Variants in C1orf216 observed in about 807,000 individuals in gnomAD.
The protein encoded by C1orf216 is chromosome 1 open reading frame 216.
A neutral mutation model predicts 16.4 loss-of-function variants in C1orf216; 18 were observed. The observed-to-expected ratio is 1.10, with a 90% CI of 0.76 to 1.63. C1orf216 has a LOEUF of 1.63. Ranked by LOEUF, C1orf216 falls within the 40% of genes most tolerant of loss-of-function variation. The pLI, the probability that C1orf216 is intolerant of heterozygous loss-of-function variation, is 0.00. For synonymous variants in C1orf216, 115 were observed against 116.9 expected (o/e 0.98, Z 0.11); for missense variants, 271 against 297.6 (o/e 0.91, Z 0.66).
rs1233519550 is a variant in C1orf216, at chr1:35,716,276, C to T, written c.46G>A (p.Gly16Arg). ...TGACATAATCCAGGAGGTGGGTCCC[C>T]CAGGAATTGGCCCCCCTCAGCTAGC... ...PGLAEGGQFL[G>R]DPPPGLCQPE... Residue 16 changes from glycine (G) to arginine (R), a missense_variant, in exon 2 of 2, where the codon GGG becomes AGG. Gly to Arg is a moderately radical substitution (Grantham distance 125). Transcript: ENST00000270815. The T allele has an allele frequency of 1.9e-6, 3 of 1,614,090 alleles. No homozygotes were observed. Among genetic ancestry groups the T allele is most frequent in the Non-Finnish European group, 2.5e-6 (3 of 1,179,948 alleles).
rs1350879935 is a variant in C1orf216 at position 35,715,829 on chromosome 1, T to C, written c.493A>G (p.Lys165Glu). 1 of 1,614,074 alleles carries C rather than the reference T, an allele frequency of 6.2e-7. No individual in the cohort carries two copies. Among genetic ancestry groups the C allele is most frequent in the African/African-American group, 1.3e-5 (1 of 74,924 alleles). ...ACCAAGTGCACGTGGTGCTTTTCCT[T>C]CTCCTGCTCTTTGTAGCGCTCCTGG... ...QVQERYKEQE[K>E]EKHHVHLVMY... Residue 165 changes from lysine to glutamate, a missense_variant, in exon 2 of 2, where the codon AAG becomes GAG. Lys to Glu is a moderately conservative substitution (Grantham distance 56). Transcript: ENST00000270815. The surrounding 1 kb of genome is among the most constrained non-coding windows in gnomAD (Gnocchi z 4.3).
chr1:35,718,135 C>T (rs1264698189), intron 1 of C1orf216, among the ~76,000 whole-genome samples: 2 of 152,198 alleles, frequency 1.3e-5, no homozygotes, highest in African/African-American at 4.8e-5. Context: ...CTTCTCTCCT[C>T]CATAACCTGC....
chr1:35,715,475 C>T lies in C1orf216; in HGVS notation c.*157G>A. On this transcript the variant is annotated 3_prime_UTR_variant, in exon 2 of 2. Transcript: ENST00000270815. This position sits in a 1 kb window ranked among gnomAD's most constrained non-coding sequence, Gnocchi z 4.3. Reference sequence around the variant, plus strand: ...GCACACTTAAGCTCATTTATACATGCTTATTCACACATGCCTACACACACC... The same window carrying T: ...GCACACTTAAGCTCATTTATACATGTTTATTCACACATGCCTACACACACC... 1.3e-6 allele frequency: 1 copy of T among 799,370 alleles called. No homozygotes were observed. Among genetic ancestry groups the T allele is most frequent in the South Asian group, 1.8e-5 (1 of 54,652 alleles). The allele number at this position is 799,370 out of a possible 1,614,324, so 49.5% of individuals were successfully genotyped here.
Position 35,716,123 on chromosome 1 carries a change from C to G in C1orf216, c.199G>C (p.Asp67His), listed in dbSNP as rs778150214. 1 of 1,614,198 alleles carries G rather than the reference C, an allele frequency of 6.2e-7. No homozygotes were observed. The highest frequency in any genetic ancestry group is 8.5e-7 in the Non-Finnish European group (1 of 1,180,010). ...LRRSSSESPS[D>H]NQAFQAPGSP... ...CCAGGGGCCTGGAAGGCTTGGTTGT[C>G]AGAGGGTGACTCAGAGGAGCTCCTC... The change falls in exon 2 of 2, where the codon GAC (aspartate) becomes CAC (histidine). Residue 67 changes from aspartate to histidine, a missense_variant. Around this residue, in one of 3 missense-constraint regions of C1orf216, gnomAD observed 220 missense variants for 227.8 expected, o/e 0.97. Coordinates refer to ENST00000270815, the MANE Select transcript of C1orf216 (RefSeq NM_152374.2).
intron 1 of C1orf216, chr1:35,716,573 A>C: frequency 3.7e-6 from 2 of 533,724 alleles, no homozygotes; most frequent in Non-Finnish European, 6.6e-6. Flanking sequence ...GATTTTGTGC[A>C]TTTCTCTCCA....
Position 35,714,115 on chromosome 1 carries a change from A to C in C1orf216, c.*1517T>G, listed in dbSNP as rs1640912618. 1 of 152,056 alleles carries C rather than the reference A, an allele frequency of 6.6e-6. No individual in the cohort carries two copies. Among genetic ancestry groups the C allele is most frequent in the Non-Finnish European group, 1.5e-5 (1 of 68,038 alleles). The allele number at this position is 152,056 out of a possible 1,614,324, so 9.4% of individuals were successfully genotyped here. Reference sequence around the variant, plus strand: ...ATCAGTGACTTCCATGCCACTGTTCACCCACCAGTGTCCCCTCTTCATACC... The same window carrying C: ...ATCAGTGACTTCCATGCCACTGTTCCCCCACCAGTGTCCCCTCTTCATACC... On this transcript the variant is annotated 3_prime_UTR_variant, in exon 2 of 2. Coordinates refer to ENST00000270815, the MANE Select transcript of C1orf216 (RefSeq NM_152374.2).
Position 35,715,393 on chromosome 1 carries a change from T to C in C1orf216, c.*239A>G, listed in dbSNP as rs537227709. On this transcript the variant is annotated 3_prime_UTR_variant, in exon 2 of 2. Transcript: ENST00000270815. This position sits in a 1 kb window ranked among gnomAD's most constrained non-coding sequence, Gnocchi z 4.3. The stretch of plus-strand genomic sequence containing the variant: ...ACACACACACACATATGTTCACTCT[T>C]ACATGCTCACATATAGGTCTGCAGA... 1.8e-5 allele frequency: 10 copies of C among 566,436 alleles called. No individual in the cohort carries two copies. In the East Asian group the frequency reaches 2.9e-4, roughly 17 times the overall value. 35.1% of individuals were successfully genotyped at this position (566,436 alleles called of 1,614,324 possible).
rs144776538 is a variant in C1orf216, at chr1:35,716,206, G to A, written c.116C>T (p.Ala39Val). Residue 39 changes from alanine (A) to valine (V), a missense_variant, in exon 2 of 2, where the codon GCC (alanine) becomes GTC (valine). By Grantham distance (64) the Ala-to-Val change is moderately conservative. Coordinates refer to ENST00000270815, the MANE Select transcript of C1orf216 (RefSeq NM_152374.2). ...ATGCCAATTCTCGTTAGCATCCTTGGCACTTGCCATGAAGTTGGAGTTGCT... is the reference window on the plus strand; with the variant it reads ...ATGCCAATTCTCGTTAGCATCCTTGACACTTGCCATGAAGTTGGAGTTGCT... The part of the protein sequence containing the change: ...PDSNSNFMAS[A>V]KDANENWHGM... The A allele has an allele frequency of 1.1e-3, 1,789 of 1,614,274 alleles. No homozygotes were observed. Among genetic ancestry groups the A allele is most frequent in the Non-Finnish European group, 1.4e-3 (1,643 of 1,180,050 alleles).
chr1:35,715,920 C>A lies in C1orf216; in HGVS notation c.402G>T (p.Pro134=). The A allele has an allele frequency of 6.2e-7, 1 of 1,614,144 alleles. No individual in the cohort carries two copies. Among genetic ancestry groups the A allele is most frequent in the Non-Finnish European group, 8.5e-7 (1 of 1,180,018 alleles). ...GGGGATCGGGAGGGCCAGGGCCTCG[C>A]GGGGTCCCACAGGCAGGCTCAGGAC... ...SSSPEPACGT[P]RGPGPPDPLL... Residue 134 remains proline, a synonymous_variant, in exon 2 of 2, where the codon CCG becomes CCT. Transcript: ENST00000270815. This position sits in a 1 kb window ranked among gnomAD's most constrained non-coding sequence, Gnocchi z 4.3.
Position 35,715,459 on chromosome 1 carries a change from A to G in C1orf216, c.*173T>C. 15 of 710,728 alleles carry G rather than the reference A, an allele frequency of 2.1e-5. 1 individual carries two copies. In the South Asian group the frequency reaches 2.9e-4, roughly 14 times the overall value. The allele number at this position is 710,728 out of a possible 1,614,324, so 44.0% of individuals were successfully genotyped here. A position where few individuals can be genotyped will look rare whatever the true frequency, so the allele number is the denominator to read the frequency against. On this transcript the variant is annotated 3_prime_UTR_variant, in exon 2 of 2. Coordinates refer to ENST00000270815, the MANE Select transcript of C1orf216 (RefSeq NM_152374.2). The surrounding 1 kb of genome is among the most constrained non-coding windows in gnomAD (Gnocchi z 4.3). ...TACACATGTGCACACAGCACACTTA[A>G]GCTCATTTATACATGCTTATTCACA...
At chr1:35,716,755 G>C (rs2148602718) in intron 1 of C1orf216, 1 of 172,498 alleles carries the variant, frequency 5.8e-6, no homozygotes, top group African/African-American at 2.4e-5. Context: ...CCAGCACTTT[G>C]GGAGGCCGAG....
rs992488727 is a variant in C1orf216, at chr1:35,715,314, C to G, written c.*318G>C. The G allele has an allele frequency of 1.8e-5, 7 of 395,702 alleles. No homozygotes were observed. Among genetic ancestry groups the G allele is most frequent in the Admixed American group, 4.3e-5 (1 of 23,126 alleles). 24.5% of individuals were successfully genotyped at this position (395,702 alleles called of 1,614,324 possible). ...CCTCACTCATGCGCATATACACACA[C>G]TGCTGGGTACCTGTCTACACATGCA... On this transcript the variant is annotated 3_prime_UTR_variant, in exon 2 of 2. Transcript: ENST00000270815. The surrounding 1 kb of genome is among the most constrained non-coding windows in gnomAD (Gnocchi z 4.3).
chr1:35,714,201 G>A lies in C1orf216; in HGVS notation c.*1431C>T, dbSNP rs1274663953. The A allele has an allele frequency of 6.6e-6, 1 of 152,206 alleles. No homozygotes were observed. Among genetic ancestry groups the A allele is most frequent in the Non-Finnish European group, 1.5e-5 (1 of 68,066 alleles). 9.4% of individuals were successfully genotyped at this position (152,206 alleles called of 1,614,324 possible). A position where few individuals can be genotyped will look rare whatever the true frequency, so the allele number is the denominator to read the frequency against. On this transcript the variant is annotated 3_prime_UTR_variant, in exon 2 of 2. Coordinates refer to ENST00000270815, the MANE Select transcript of C1orf216 (RefSeq NM_152374.2). Reference sequence around the variant, plus strand: ...TCCCAAGAACAAAGCAGAGAGCTAAGCTACCTTAGTCGTTGGTTCTCTCCA... The same window carrying A: ...TCCCAAGAACAAAGCAGAGAGCTAAACTACCTTAGTCGTTGGTTCTCTCCA...
chr1:35,718,360 C>T (rs903276105), intron 1 of C1orf216, among the ~76,000 whole-genome samples: 2 of 152,128 alleles, frequency 1.3e-5, no homozygotes, highest in African/African-American at 4.8e-5. Flanking sequence ...TCTAATCGCC[C>T]TCTAAGCAAG....
intron 1 of C1orf216, among the ~76,000 whole-genome samples, chr1:35,718,269 C>A (rs532807851): frequency 3.3e-4 from 50 of 152,270 alleles, no homozygotes; most frequent in Admixed American, 3.1e-3. Context: ...CTGGAAGGCG[C>A]TCCATAGGTG....
chr1:35,714,507 C>T lies in C1orf216; in HGVS notation c.*1125G>A, dbSNP rs1432744145. ...GATATTTTCCTCATCGGCCTTGGAA[C>T]ATCTTGTCTGTTACTTGCAAGCTTA... On this transcript the variant is annotated 3_prime_UTR_variant, in exon 2 of 2. Coordinates refer to ENST00000270815, the MANE Select transcript of C1orf216 (RefSeq NM_152374.2). 6.6e-6 allele frequency: 1 copy of T among 152,206 alleles called. No homozygotes were observed. Among genetic ancestry groups the T allele is most frequent in the Non-Finnish European group, 1.5e-5 (1 of 68,052 alleles). 9.4% of individuals were successfully genotyped at this position (152,206 alleles called of 1,614,324 possible).
rs775845100 is a variant in C1orf216, at chr1:35,716,315, C to T, written c.7G>A (p.Ala3Thr). 1.4e-5 allele frequency: 22 copies of T among 1,610,594 alleles called. No individual in the cohort carries two copies. The Admixed American group carries it at 1.5e-4, about 11-fold the overall frequency. MF[A>T]IQPGLAEGGQ... ...CCCTCAGCTAGCCCTGGCTGGATGG[C>T]GAACATCTAGCCTGTAAAGGGAAAG... is the stretch of plus-strand genomic sequence containing the variant. The change falls in exon 2 of 2, where the codon GCC becomes ACC. Residue 3 changes from alanine (A) to threonine (T), a missense_variant. By Grantham distance (58) the Ala-to-Thr change is moderately conservative (BLOSUM62 0). Transcript: ENST00000270815.
chr1:35,715,616 T>C lies in C1orf216; in HGVS notation c.*16A>G. The C allele has an allele frequency of 1.3e-6, 2 of 1,598,694 alleles. No individual in the cohort carries two copies. On this transcript the variant is annotated 3_prime_UTR_variant, in exon 2 of 2. Coordinates refer to ENST00000270815, the MANE Select transcript of C1orf216 (RefSeq NM_152374.2). The surrounding 1 kb of genome is among the most constrained non-coding windows in gnomAD (Gnocchi z 4.3). ...AATATATACATATACCCTTGCACACTTGTGGAGGCACACCCTTAGGCCTGG... is the reference window on the plus strand; with the variant it reads ...AATATATACATATACCCTTGCACACCTGTGGAGGCACACCCTTAGGCCTGG...
rs1225865383 is a variant in C1orf216 at position 35,715,990 on chromosome 1, T to C, written c.332A>G (p.Asn111Ser). ...AGTVCSPLED[N>S]GYASSSLSID... is the part of the protein sequence containing the mutation. The stretch of plus-strand genomic sequence containing the variant: ...GCTCAGGGAACTGCTGGCATAGCCG[T>C]TGTCCTCCAGAGGGGAGCAGACTGT... The change falls in exon 2 of 2, where the codon AAC becomes AGC. Residue 111 changes from asparagine to serine, a missense_variant. Asn to Ser is a conservative substitution (Grantham distance 46, BLOSUM62 1). This residue lies in a region of C1orf216 where 220 missense variants were observed against 227.8 expected (regional missense o/e 0.97). Coordinates refer to ENST00000270815, the MANE Select transcript of C1orf216 (RefSeq NM_152374.2). The surrounding 1 kb of genome is among the most constrained non-coding windows in gnomAD (Gnocchi z 4.3). 3 of 1,614,120 alleles carry C rather than the reference T, an allele frequency of 1.9e-6. No homozygotes were observed. Among genetic ancestry groups the C allele is most frequent in the Middle Eastern group, 1.6e-4 (1 of 6,062 alleles).
Sources: allele counts gnomAD v4.1 joint callset (sites outside exome capture counted in the v4.1 genomes callset), GRCh38; gene constraint gnomAD v4.1.1; regional missense constraint gnomAD v4.1.1; non-coding constraint Gnocchi (gnomAD v3.1); transcripts MANE v1.5; gene names NCBI Gene and HGNC (gene_info 2026-07-23, HGNC 2026-07-21).